The following EPHA4 variants were observed in gnomAD, a reference collection of about 807,000 sequenced individuals.
The protein encoded by EPHA4 is EPH receptor A4, also known as ephrin type-A receptor 4.
EPHA4 carries 19 observed loss-of-function variants against 108.3 expected under a neutral mutation model. The ratio of observed to expected loss-of-function variants is 0.18; its 90% CI spans 0.12 to 0.26. EPHA4 has a LOEUF of 0.26. Among genes scored for constraint, EPHA4 ranks in the 10% least tolerant of loss-of-function variants. The probability of loss-of-function intolerance (pLI) is 1.00; values close to 1 mark genes in which losing one functional copy is unlikely to be tolerated. For missense variants in EPHA4, 917 were observed against 1,254.0 expected, an observed-to-expected ratio of 0.73 and a Z score of 4.06; for synonymous variants, 449 against 455.5, an observed-to-expected ratio of 0.99 and a Z score of 0.18.
chr2:221,560,389 G>A (rs1025795205), intron 3 of EPHA4, among the ~76,000 whole-genome samples: 5 of 151,524 alleles, frequency 3.3e-5, no homozygotes, highest in South Asian at 2.1e-4. Flanking sequence ...CTTTTTGCTC[G>A]TTCAAAGGAA....
At chr2:221,556,199 CAATT>C (rs571347503) in intron 3 of EPHA4, among the ~76,000 whole-genome samples, 58 of 152,232 alleles carry the variant, frequency 3.8e-4, no homozygotes, top group Middle Eastern at 3.4e-3. Flanking sequence ...TGAAAAATAA[CAATT>C]AACGCATTGC....
chr2:221,573,401 C>G (rs1363831210), upstream of EPHA4: 1 of 152,292 alleles, frequency 6.6e-6, no homozygotes. The surrounding 1 kb of genome is among the most constrained non-coding windows in gnomAD (Gnocchi z 4.5). Flanking sequence ...GGTCTTTTCC[C>G]GATGCCCGAG....
In EPHA4 at chr2:221,429,964, C is replaced by T; in HGVS notation, c.2684G>A (p.Ser895Asn). 1 of 1,613,812 alleles carries T rather than the reference C, an allele frequency of 6.2e-7. No individual in the cohort carries two copies. Among genetic ancestry groups the T allele is most frequent in the Non-Finnish European group, 8.5e-7 (1 of 1,179,912 alleles). Residue 895 changes from serine to asparagine, a missense_variant, in exon 15 of 18, where the codon AGC becomes AAC. Transcript: ENST00000281821. ...PNSLKRTGTE[S>N]SRPNTALLDP... The stretch of plus-strand genomic sequence containing the variant: ...TTAAGTAAGCATGGCTGACCTGGAG[C>T]TCTCCGTCCCTGTCCTCTTCAAGCT...
chr2:221,526,827 T>A (rs1437855465), intron 3 of EPHA4, among the ~76,000 whole-genome samples: 1 of 120,592 alleles, frequency 8.3e-6, no homozygotes, highest in Non-Finnish European at 1.6e-5. Context: ...CATTCCAGCC[T>A]GGGCAATATA....
At chr2:221,551,891 C>T (rs1045156130) in intron 3 of EPHA4, among the ~76,000 whole-genome samples, 2 of 151,652 alleles carry the variant, frequency 1.3e-5, no homozygotes, top group Non-Finnish European at 2.9e-5. Context: ...TGTATCAGTG[C>T]TAATTTTAAA....
At chr2:221,531,955 C>T (rs1019849651) in intron 3 of EPHA4, among the ~76,000 whole-genome samples, 7 of 152,034 alleles carry the variant, frequency 4.6e-5, no homozygotes, top group Non-Finnish European at 7.4e-5. Flanking sequence ...CCAAGGAAAA[C>T]GTGTCAGGAA....
chr2:221,520,531 CACACACACACACAGAGAG>C (rs1574630538), intron 3 of EPHA4, among the ~76,000 whole-genome samples: 2 of 118,238 alleles, frequency 1.7e-5, no homozygotes, highest in East Asian at 2.2e-4. Flanking sequence ...CACACACACA[CACACACACACACAGAGAG>C]AGAGAGAGAG....
intron 5 of EPHA4, among the ~76,000 whole-genome samples, chr2:221,465,761 C>A (rs1691289486): frequency 6.6e-6 from 1 of 152,132 alleles, no homozygotes; most frequent in South Asian, 2.1e-4. Flanking sequence ...ACCCAACAAC[C>A]CCCATCACCA....
At position 221,443,553 on chromosome 2, in the gene EPHA4, G is replaced by T. The variant is rs978543585; in HGVS notation, c.1828C>A (p.Arg610=). 4.3e-6 allele frequency: 7 copies of T among 1,613,698 alleles called. No individual in the cohort carries two copies. The highest frequency in any genetic ancestry group is 5.9e-6 in the Non-Finnish European group (7 of 1,179,896). ...FTYEDPNQAV[R]EFAKEIDASC... ...GCGTCAATTTCTTTGGCAAACTCTC[G>T]CACTGCTTGGTTGGGATCTTCGTAC... The change falls in exon 10 of 18, where the codon CGA becomes AGA. Residue 610 remains arginine, a synonymous_variant. Coordinates refer to ENST00000281821, the MANE Select transcript of EPHA4 (RefSeq NM_004438.5).
chr2:221,513,072 C>T (rs1373676586), intron 3 of EPHA4, among the ~76,000 whole-genome samples: 1 of 152,112 alleles, frequency 6.6e-6, no homozygotes, highest in Admixed American at 6.5e-5. Flanking sequence ...AGAGTTTAAC[C>T]AGGAAGCTGG....
intron 2 of EPHA4, 101 bp downstream of exon 2, chr2:221,568,615 ACC>A (rs931902702): frequency 1.2e-6 from 1 of 838,130 alleles, no homozygotes; most frequent in Non-Finnish European, 1.9e-6. Flanking sequence ...CGGAAATCTG[ACC>A]CCCTCACCAC....
At chr2:221,532,966 G>C (rs772520287) in intron 3 of EPHA4, 1 of 152,224 alleles carries the variant, frequency 6.6e-6, no homozygotes, top group South Asian at 2.1e-4. Flanking sequence ...CCTTCTGTAG[G>C]GGGAGTCGGC....
At chr2:221,432,112 TTA>T (rs1246206092) in intron 14 of EPHA4, among the ~76,000 whole-genome samples, 3 of 144,188 alleles carry the variant, frequency 2.1e-5, no homozygotes, top group Non-Finnish European at 3.0e-5. Context: ...ACAGAATTCT[TTA>T]TATATATATA....
intron 15 of EPHA4, 143 bp downstream of exon 15, chr2:221,429,812 TCTA>T: frequency 1.4e-6 from 1 of 731,748 alleles, no homozygotes. Context: ...CCTGAAATAC[TCTA>T]CTAATTGAGA....
Position 221,571,185 on chromosome 2 carries a change from CGCAGACATGCACACACACCACACATG to C in EPHA4, c.91+947_91+972del, listed in dbSNP as rs1694824191. On this transcript the variant is annotated intron_variant, in intron 1 of 17. Transcript: ENST00000281821. This position sits in a 1 kb window ranked among gnomAD's most constrained non-coding sequence, Gnocchi z 6.3. Reference sequence around the variant, plus strand: ...ACACACACGCAGACATGCACACACACGCAGACATGCACACACACCACACATGCAGACATGCACACACACGCAGACAT... The same window carrying C: ...ACACACACGCAGACATGCACACACACCAGACATGCACACACACGCAGACAT... 6.7e-6 allele frequency among the ~76,000 whole-genome samples: 1 copy of C among 148,888 alleles called. No homozygotes were observed.
At chr2:221,549,979 TCAAACAAA>T (rs944053008) in intron 3 of EPHA4, among the ~76,000 whole-genome samples, 1 of 152,050 alleles carries the variant, frequency 6.6e-6, no homozygotes, top group Admixed American at 6.5e-5. Context: ...AGACTCCATC[TCAAACAAA>T]CAAACAAACA....
At chr2:221,527,811 G>C (rs557946660) in intron 3 of EPHA4, among the ~76,000 whole-genome samples, 3 of 152,272 alleles carry the variant, frequency 2.0e-5, no homozygotes, top group Admixed American at 1.3e-4. Context: ...ACAAAGAGAT[G>C]AGGGAACTTA....
chr2:221,435,094 C>T (rs954016438), intron 13 of EPHA4, among the ~76,000 whole-genome samples: 1 of 152,010 alleles, frequency 6.6e-6, no homozygotes, highest in Non-Finnish European at 1.5e-5. Flanking sequence ...CTGAGGTATC[C>T]CCAGGGCTAT....
chr2:221,430,312 C>T (rs1690035033), intron 14 of EPHA4, among the ~76,000 whole-genome samples, 161 bp from the exon 15 acceptor site: 1 of 152,192 alleles, frequency 6.6e-6, no homozygotes, highest in Non-Finnish European at 1.5e-5. Flanking sequence ...ACCTGAGTAT[C>T]ACTGGCAACA....
Sources: allele counts gnomAD v4.1 joint callset (sites outside exome capture counted in the v4.1 genomes callset), GRCh38; gene constraint gnomAD v4.1.1; non-coding constraint Gnocchi (gnomAD v3.1); transcripts MANE v1.5; gene names NCBI Gene and HGNC (gene_info 2026-07-23, HGNC 2026-07-21).